Variants in CYP2C19 observed in about 807,000 individuals in gnomAD.
CYP2C19 encodes cytochrome P450 2C19.
Under a neutral mutation model 40.9 loss-of-function variants are expected in CYP2C19, and 59 were observed. The observed-to-expected ratio is 1.44, with a 90% confidence interval of 1.17 to 1.79. The LOEUF (loss-of-function observed/expected upper bound fraction) is 1.79, where lower values mean the gene tolerates loss of function less well. Ranked by LOEUF, CYP2C19 falls within the 40% of genes most tolerant of loss-of-function variation. The pLI, the probability that CYP2C19 is intolerant of heterozygous loss-of-function variation, is 0.00. For synonymous variants in CYP2C19, 253 were observed against 208.7 expected (o/e 1.21, Z -1.83); for missense variants, 754 against 596.9 (o/e 1.26, Z -2.74).
At chr10:94,814,217 C>T (rs1309334008) in intron 5 of CYP2C19, among the ~76,000 whole-genome samples, 1 of 151,766 alleles carries the variant, frequency 6.6e-6, no homozygotes, top group Non-Finnish European at 1.5e-5. Flanking sequence ...CTGACTGGAG[C>T]TTTTCTTATT....
intron 5 of CYP2C19, among the ~76,000 whole-genome samples, chr10:94,791,282 C>T (rs938308892): frequency 2.0e-5 from 3 of 151,940 alleles, no homozygotes; most frequent in Non-Finnish European, 4.4e-5. Context: ...TTTTTGCTAG[C>T]AGTCTATCAA....
At position 94,843,032 on chromosome 10, in the gene CYP2C19, T is replaced by A. The variant is rs768493491; in HGVS notation, c.1149+8T>A. ...AACTACCTCATTCCCAAGGTAAGTT[T>A]GTTTCTCCTACACTGCAACTCCATG... On this transcript the variant is annotated splice_region_variant and intron_variant, in intron 7 of 8. Transcript: ENST00000371321. 2 of 1,613,990 alleles carry A rather than the reference T, an allele frequency of 1.2e-6. No homozygotes were observed. The highest frequency in any genetic ancestry group is 2.2e-5 in the East Asian group (1 of 44,882).
At chr10:94,777,622 C>A (rs976580085) in intron 3 of CYP2C19, among the ~76,000 whole-genome samples, 2 of 152,066 alleles carry the variant, frequency 1.3e-5, no homozygotes, top group African/African-American at 4.8e-5. Flanking sequence ...AAACTGGATC[C>A]CTTCCTTTCA....
intron 7 of CYP2C19, among the ~76,000 whole-genome samples, chr10:94,847,618 G>T (rs1325633907): frequency 2.0e-5 from 3 of 152,158 alleles, no homozygotes; most frequent in Non-Finnish European, 4.4e-5. Flanking sequence ...GGGTCAAGCG[G>T]TATTTCTAGT....
At chr10:94,793,340 C>T (rs1456669343) in intron 5 of CYP2C19, among the ~76,000 whole-genome samples, 1 of 152,176 alleles carries the variant, frequency 6.6e-6, no homozygotes, top group East Asian at 1.9e-4. Flanking sequence ...TACCGATCAT[C>T]TGAAGCCTTC....
intron 1 of CYP2C19, among the ~76,000 whole-genome samples, chr10:94,771,936 C>T (rs1468414780): frequency 6.6e-6 from 1 of 152,094 alleles, no homozygotes; most frequent in African/African-American, 2.4e-5. Context: ...TTCTTGAAAA[C>T]GTGTACCCCT....
In CYP2C19 at chr10:94,840,028, T is replaced by A. The variant is rs1000266480; in HGVS notation, c.962-2809T>A. 5.3e-5 allele frequency among the ~76,000 whole-genome samples: 8 copies of A among 152,218 alleles called. No homozygotes were observed. In the East Asian group the frequency reaches 1.2e-3, roughly 22 times the overall value. On this transcript the variant is annotated intron_variant, in intron 6 of 8. Transcript: ENST00000371321. ...TAAGAATAACTCTGAACTGGTGAGG[T>A]GTGCTCACAATGAGGTTTCCTCTAA...
At chr10:94,810,745 T>A (rs1246416661) in intron 5 of CYP2C19, among the ~76,000 whole-genome samples, 1 of 151,996 alleles carries the variant, frequency 6.6e-6, no homozygotes, top group African/African-American at 2.4e-5. Context: ...CCCTTTATCA[T>A]TTTTTTGTTC....
At chr10:94,780,693 C>T (rs1475000063) in intron 4 of CYP2C19, 34 bp downstream of exon 4, 2 of 1,610,694 alleles carry the variant, frequency 1.2e-6, no homozygotes, top group Non-Finnish European at 1.7e-6. Flanking sequence ...TGAGAAACCA[C>T]TTACAGTCTT....
At chr10:94,812,194 A>G (rs1848936216) in intron 5 of CYP2C19, among the ~76,000 whole-genome samples, 1 of 152,142 alleles carries the variant, frequency 6.6e-6, no homozygotes, top group African/African-American at 2.4e-5. Flanking sequence ...AGAATGTTGA[A>G]TATTGGCCCC....
rs776347714 is a variant in CYP2C19 at position 94,820,604 on chromosome 10, C to A, written c.928C>A (p.Leu310Ile). ...AACAAGCACAACCCTGAGATATGCT[C>A]TCCTTCTCCTGCTGAAGCACCCAGA... is the stretch of plus-strand genomic sequence containing the variant. ...ETTSTTLRYA[L>I]LLLLKHPEVT... The change falls in exon 6 of 9, where the codon CTC becomes ATC. Residue 310 changes from leucine to isoleucine, a missense_variant. By Grantham distance (5) the Leu-to-Ile change is conservative (BLOSUM62 2). Coordinates refer to ENST00000371321, the MANE Select transcript of CYP2C19 (RefSeq NM_000769.4). 1.9e-6 allele frequency: 3 copies of A among 1,614,192 alleles called. No individual in the cohort carries two copies. Among genetic ancestry groups the A allele is most frequent in the South Asian group, 2.2e-5 (2 of 91,086 alleles).
intron 5 of CYP2C19, among the ~76,000 whole-genome samples, chr10:94,807,725 A>G (rs1034619858): frequency 6.6e-5 from 10 of 151,852 alleles, no homozygotes; most frequent in Non-Finnish European, 8.8e-5. Context: ...CCCATATTTT[A>G]ATTGTAGTAT....
intron 5 of CYP2C19, among the ~76,000 whole-genome samples, chr10:94,792,448 A>T (rs557100905): frequency 6.6e-6 from 1 of 152,220 alleles, no homozygotes; most frequent in South Asian, 2.1e-4. Context: ...CTTCCTAGCA[A>T]TGATGGTCTT....
intron 7 of CYP2C19, among the ~76,000 whole-genome samples, chr10:94,848,994 G>T (rs1033612871): frequency 2.1e-4 from 32 of 152,074 alleles, no homozygotes; most frequent in Non-Finnish European, 3.4e-4. Context: ...CGATGGGGTT[G>T]TCTAGATGTA....
chr10:94,848,002 A>G (rs1174789041), intron 7 of CYP2C19, among the ~76,000 whole-genome samples: 2 of 152,148 alleles, frequency 1.3e-5, no homozygotes, highest in South Asian at 2.1e-4. Flanking sequence ...AGTAGATTGC[A>G]AAAATTTTCT....
chr10:94,831,997 T>A (rs1383346823), intron 6 of CYP2C19, among the ~76,000 whole-genome samples: 1 of 152,196 alleles, frequency 6.6e-6, no homozygotes. Context: ...GTCCTGGAGA[T>A]GTTTTCTAGT....
chr10:94,852,140 A>G (rs1849662934), intron 8 of CYP2C19, among the ~76,000 whole-genome samples: 1 of 152,162 alleles, frequency 6.6e-6, no homozygotes, highest in Non-Finnish European at 1.5e-5. Context: ...GTAAAATGTG[A>G]TACGGATCAT....
intron 4 of CYP2C19, 117 bp downstream of exon 4, chr10:94,780,776 A>T (rs1425445941): frequency 1.2e-5 from 13 of 1,129,146 alleles, no homozygotes; most frequent in Non-Finnish European, 1.7e-5. Context: ...AGTCTTGCCT[A>T]GACAGCCATG....
At chr10:94,790,570 G>T (rs1345346094) in intron 5 of CYP2C19, among the ~76,000 whole-genome samples, 1 of 152,106 alleles carries the variant, frequency 6.6e-6, no homozygotes, top group Non-Finnish European at 1.5e-5. Flanking sequence ...GTTGAATTTT[G>T]TCGAAGGCCT....
Sources: allele counts gnomAD v4.1 joint callset (sites outside exome capture counted in the v4.1 genomes callset), GRCh38; gene constraint gnomAD v4.1.1; transcripts MANE v1.5; gene names NCBI Gene and HGNC (gene_info 2026-07-23, HGNC 2026-07-21).